Variants in ARHGAP30 observed in about 807,000 individuals in gnomAD.
ARHGAP30 encodes the protein rho GTPase-activating protein 30.
ARHGAP30 carries 23 observed loss-of-function variants against 72.0 expected under a neutral mutation model. The observed-to-expected ratio is 0.32, with a 90% CI of 0.23 to 0.45. The LOEUF is 0.45. Among genes scored for constraint, ARHGAP30 ranks in the 20% least tolerant of loss-of-function variants. The pLI is 1.00. For synonymous variants in ARHGAP30, 576 were observed against 528.2 expected, an observed-to-expected ratio of 1.09 and a Z score of -1.24; for missense variants, 1,319 against 1,383.4, an observed-to-expected ratio of 0.95 and a Z score of 0.74.
At chr1:161,051,967 TCA>T (rs1651408778) in intron 9 of ARHGAP30, among the ~76,000 whole-genome samples, 1 of 29,170 alleles carries the variant, frequency 3.4e-5, no homozygotes, top group South Asian at 1.3e-3. Context: ...CTGGCCGTTG[TCA>T]CCACCACCAC....
chr1:161,064,283 A>G (rs1652528915), intron 1 of ARHGAP30, among the ~76,000 whole-genome samples: 1 of 152,228 alleles, frequency 6.6e-6, no homozygotes, highest in Admixed American at 6.5e-5. Flanking sequence ...CGCTTAGGAA[A>G]ATAGGAAAGA....
Position 161,053,252 on chromosome 1 carries a change from A to G in ARHGAP30, c.664+6T>C. The G allele has an allele frequency of 6.2e-7, 1 of 1,613,806 alleles. No individual in the cohort carries two copies. Among genetic ancestry groups the G allele is most frequent in the Non-Finnish European group, 8.5e-7 (1 of 1,179,968 alleles). ...GGGATATGTGGAGGGCAGGAAGGAC[A>G]CTGACCAGAGAGGGCAGCACCCCCA... On this transcript the variant is annotated splice_donor_region_variant and intron_variant, in intron 6 of 11. Transcript: ENST00000368013.
chr1:161,069,707 G>A lies in ARHGAP30; in HGVS notation c.-83C>T. 6.8e-7 allele frequency: 1 copy of A among 1,475,240 alleles called. No homozygotes were observed. The highest frequency in any genetic ancestry group is 1.1e-5 in the South Asian group (1 of 88,048). 91.4% of individuals were successfully genotyped at this position (1,475,240 alleles called of 1,614,324 possible). A position where few individuals can be genotyped will look rare whatever the true frequency, so the allele number is the denominator to read the frequency against. On this transcript the variant is annotated 5_prime_UTR_variant, in exon 1 of 12. Coordinates refer to ENST00000368013, the MANE Select transcript of ARHGAP30 (RefSeq NM_001025598.2). The surrounding 1 kb of genome is among the most constrained non-coding windows in gnomAD (Gnocchi z 4.9). The stretch of plus-strand genomic sequence containing the variant: ...CCAGTCCCCCATGGGATCCCAGCCA[G>A]CTGCTGGGCTTGGCCCGGCCCCAGG...
chr1:161,048,469 G>A lies in ARHGAP30; in HGVS notation c.2552C>T (p.Ala851Val), dbSNP rs767827057. ...GDGEAEGDQRAGGYYLEEDTL... is the reference protein window; with the variant it reads ...GDGEAEGDQRVGGYYLEEDTL... ...GTCCTCTTCTAAATAGTACCCTCCA[G>A]CCCTCTGGTCTCCCTCAGCCTCTCC... The change falls in exon 12 of 12, where the codon GCT becomes GTT. Residue 851 changes from alanine to valine, a missense_variant. Physicochemically the swap from Ala to Val is moderately conservative, Grantham distance 64 (BLOSUM62 0). Coordinates refer to ENST00000368013, the MANE Select transcript of ARHGAP30 (RefSeq NM_001025598.2). The A allele has an allele frequency of 6.2e-7, 1 of 1,614,066 alleles. No homozygotes were observed. Among genetic ancestry groups the A allele is most frequent in the Non-Finnish European group, 8.5e-7 (1 of 1,179,980 alleles).
Position 161,051,658 on chromosome 1 carries a change from C to T in ARHGAP30, c.1076G>A (p.Ser359Asn), listed in dbSNP as rs758468847. ...TGCCTCTATAGAATCGTTCTCCAAG[C>T]TCTCAGGCAGCAATGGGCTTGGCCG... ...SPRPSPLLPE[S>N]LENDSIEAAE... is the part of the protein sequence containing the mutation. Residue 359 changes from serine to asparagine, a missense_variant, in exon 10 of 12, where the codon AGC becomes AAC. Transcript: ENST00000368013. 8.1e-6 allele frequency: 13 copies of T among 1,612,804 alleles called. No homozygotes were observed. The highest frequency in any genetic ancestry group is 1.3e-5 in the African/African-American group (1 of 74,934).
chr1:161,048,538 T>G lies in ARHGAP30; in HGVS notation c.2483A>C (p.Glu828Ala). ...CTTGCTGACCTCCCCTGCTCCTCCT[T>G]CAGTTGCTGCTTCTGGGCTTCTGCT... ...EDSRSPEAAT[E>A]GGAGEVSKER... is the part of the protein sequence containing the mutation. The change falls in exon 12 of 12, where the codon GAA (glutamate) becomes GCA (alanine). Residue 828 changes from glutamate (E) to alanine (A), a missense_variant. By Grantham distance (107) the Glu-to-Ala change is moderately radical (BLOSUM62 -1). Coordinates refer to ENST00000368013, the MANE Select transcript of ARHGAP30 (RefSeq NM_001025598.2). The G allele has an allele frequency of 6.2e-7, 1 of 1,614,162 alleles. No homozygotes were observed.
Position 161,048,367 on chromosome 1 carries a change from A to G in ARHGAP30, c.2654T>C (p.Met885Thr). The change falls in exon 12 of 12, where the codon ATG becomes ACG. Residue 885 changes from methionine to threonine, a missense_variant. Around this residue, in one of 2 missense-constraint regions of ARHGAP30, gnomAD observed 1,097 missense variants for 1,045.2 expected, o/e 1.05. Transcript: ENST00000368013. ...AKEGNPHSSEMEEVAPQPPQP... is the reference protein window; with the variant it reads ...AKEGNPHSSETEEVAPQPPQP... ...AGGTGGCTGTGGGGCTACCTCTTCC[A>G]TCTCAGAAGAGTGAGGATTGCCCTC... 1 of 1,614,102 alleles carries G rather than the reference A, an allele frequency of 6.2e-7. No individual in the cohort carries two copies. Among genetic ancestry groups the G allele is most frequent in the Non-Finnish European group, 8.5e-7 (1 of 1,180,018 alleles).
In ARHGAP30 at chr1:161,069,732, G is replaced by A. The variant is rs962238308; in HGVS notation, c.-108C>T. 1 of 1,259,260 alleles carries A rather than the reference G, an allele frequency of 7.9e-7. No homozygotes were observed. Among genetic ancestry groups the A allele is most frequent in the South Asian group, 1.3e-5 (1 of 79,770 alleles). The allele number at this position is 1,259,260 out of a possible 1,614,324, so 78.0% of individuals were successfully genotyped here. A position where few individuals can be genotyped will look rare whatever the true frequency, so the allele number is the denominator to read the frequency against. ...GCTGCTGGGCTTGGCCCGGCCCCAG[G>A]GGGGCAGGGCTCCCAATTGGGGGTG... On this transcript the variant is annotated 5_prime_UTR_variant, in exon 1 of 12. Coordinates refer to ENST00000368013, the MANE Select transcript of ARHGAP30 (RefSeq NM_001025598.2). This position sits in a 1 kb window ranked among gnomAD's most constrained non-coding sequence, Gnocchi z 4.9.
Position 161,069,425 on chromosome 1 carries a change from C to T in ARHGAP30, c.97+103G>A. 8.4e-7 allele frequency: 1 copy of T among 1,184,362 alleles called. No individual in the cohort carries two copies. Among genetic ancestry groups the T allele is most frequent in the Non-Finnish European group, 1.2e-6 (1 of 819,008 alleles). 73.4% of individuals were successfully genotyped at this position (1,184,362 alleles called of 1,614,324 possible). ...TGGTGACCCCAGGCCACTGCCCCTT[C>T]CCCAGGAGCACCGGAAACTGCTTCT... On this transcript the variant is annotated intron_variant, in intron 1 of 11. Coordinates refer to ENST00000368013, the MANE Select transcript of ARHGAP30 (RefSeq NM_001025598.2). This position sits in a 1 kb window ranked among gnomAD's most constrained non-coding sequence, Gnocchi z 4.9.
chr1:161,048,767 T>G lies in ARHGAP30; in HGVS notation c.2254A>C (p.Arg752=). The change falls in exon 12 of 12, where the codon AGA becomes CGA. Residue 752 remains arginine (R), a synonymous_variant. Coordinates refer to ENST00000368013, the MANE Select transcript of ARHGAP30 (RefSeq NM_001025598.2). ...TCCTCTCTTTGTTCATCCTCTTCTC[T>G]CTCAATTTCTTTTTCCTTCTCATCT... is the stretch of plus-strand genomic sequence containing the variant. ...YTDEKEKEIE[R]EEDEQREEAQ... 1 of 1,614,064 alleles carries G rather than the reference T, an allele frequency of 6.2e-7. No homozygotes were observed. The highest frequency in any genetic ancestry group is 8.5e-7 in the Non-Finnish European group (1 of 1,180,022).
At chr1:161,049,839 A>G (rs1651218009) in intron 10 of ARHGAP30, 150 bp from the exon 11 acceptor site, 1 of 1,117,426 alleles carries the variant, frequency 8.9e-7, no homozygotes. Context: ...GTCCCTAGTT[A>G]TTGGCTTGCT....
chr1:161,056,348 C>A, intron 3 of ARHGAP30, 40 bp downstream of exon 3: 1 of 1,604,470 alleles, frequency 6.2e-7, no homozygotes, highest in African/African-American at 1.3e-5. Context: ...GGCTGTCCAC[C>A]CCTGAGCCCT....
chr1:161,052,621 C>T lies in ARHGAP30; in HGVS notation c.836+5G>A. Reference sequence around the variant, plus strand: ...GGGGAGGAAGGCCCAGGAAGGAGGCCTTACTTGTGCTCTGCAATCTCGATG... The same window carrying T: ...GGGGAGGAAGGCCCAGGAAGGAGGCTTTACTTGTGCTCTGCAATCTCGATG... On this transcript the variant is annotated splice_donor_5th_base_variant and intron_variant, in intron 7 of 11. Coordinates refer to ENST00000368013, the MANE Select transcript of ARHGAP30 (RefSeq NM_001025598.2). 1 of 1,613,790 alleles carries T rather than the reference C, an allele frequency of 6.2e-7. No individual in the cohort carries two copies. The highest frequency in any genetic ancestry group is 8.5e-7 in the Non-Finnish European group (1 of 1,179,836).
chr1:161,053,109 T>C (rs1651540137), intron 6 of ARHGAP30, 149 bp downstream of exon 6: 1 of 1,210,050 alleles, frequency 8.3e-7, no homozygotes, highest in South Asian at 1.5e-5. Context: ...AAGTCCTGAC[T>C]GCACAATTAT....
chr1:161,056,242 A>T, intron 3 of ARHGAP30, 146 bp downstream of exon 3: 1 of 1,087,280 alleles, frequency 9.2e-7, no homozygotes, highest in Non-Finnish European at 1.3e-6. Context: ...TTTGGGGAGG[A>T]GGGGTCTTTT....
rs770614539 is a variant in ARHGAP30, at chr1:161,054,687, A to G, written c.364T>C (p.Leu122=). 9 of 1,613,912 alleles carry G rather than the reference A, an allele frequency of 5.6e-6. No individual in the cohort carries two copies. The highest frequency in any genetic ancestry group is 3.3e-5 in the South Asian group (3 of 91,072). The change falls in exon 4 of 12, where the codon TTG becomes CTG. Residue 122 remains leucine, a synonymous_variant. Coordinates refer to ENST00000368013, the MANE Select transcript of ARHGAP30 (RefSeq NM_001025598.2). ...DKFAEAVGVQ[L]EPERLVKILE... ...ATCTTGACCAAGCGCTCAGGTTCCA[A>G]TTGCACTCCTACAGCCTCCTGATTG... is the stretch of plus-strand genomic sequence containing the variant.
At position 161,049,337 on chromosome 1, in the gene ARHGAP30, G is replaced by A. The variant is rs766759828; in HGVS notation, c.1687-3C>T. The A allele has an allele frequency of 3.1e-6, 5 of 1,611,580 alleles. No homozygotes were observed. The highest frequency in any genetic ancestry group is 1.7e-4 in the Middle Eastern group (1 of 6,048). On this transcript the variant is annotated splice_region_variant and splice_polypyrimidine_tract_variant and intron_variant, in intron 11 of 11. Transcript: ENST00000368013. ...GGCTCCACAGAGAACTCCTCCACCTGTAGGCACAGCATTGTGACTCAGGAC... is the reference window on the plus strand; with the variant it reads ...GGCTCCACAGAGAACTCCTCCACCTATAGGCACAGCATTGTGACTCAGGAC...
rs1651075190 is a variant in ARHGAP30 at position 161,048,643 on chromosome 1, C to G, written c.2378G>C (p.Gly793Ala). 1.2e-6 allele frequency: 2 copies of G among 1,613,986 alleles called. No individual in the cohort carries two copies. Among genetic ancestry groups the G allele is most frequent in the African/African-American group, 2.7e-5 (2 of 74,878 alleles). ...WEVVQKQEAE[G>A]VREDEDKGQR... ...TCCTTTGTCCTCATCCTCTCTGACT[C>G]CCTCAGCCTCTTGTTTCTGTACAAC... Residue 793 changes from glycine to alanine, a missense_variant, in exon 12 of 12, where the codon GGA becomes GCA. This residue lies in a region of ARHGAP30 where 1,097 missense variants were observed against 1,045.2 expected (regional missense o/e 1.05). Transcript: ENST00000368013.
At chr1:161,052,981 C>G in intron 6 of ARHGAP30, 184 bp from the exon 7 acceptor site, 1 of 924,896 alleles carries the variant, frequency 1.1e-6, no homozygotes, top group Non-Finnish European at 1.6e-6. Context: ...GCTGGGAGAT[C>G]CGAGAACGTT....
Sources: allele counts gnomAD v4.1 joint callset (sites outside exome capture counted in the v4.1 genomes callset), GRCh38; gene constraint gnomAD v4.1.1; regional missense constraint gnomAD v4.1.1; non-coding constraint Gnocchi (gnomAD v3.1); transcripts MANE v1.5; gene names NCBI Gene and HGNC (gene_info 2026-07-23, HGNC 2026-07-21).